The following PTPRS variants were observed in gnomAD, a reference collection of about 807,000 sequenced individuals.
The protein encoded by PTPRS is protein tyrosine phosphatase receptor type S.
In PTPRS, 63 loss-of-function variants were observed where a neutral mutation model predicts 215.3. That is an observed-to-expected ratio of 0.29 (90% CI 0.24 to 0.36). PTPRS has a LOEUF of 0.36. Ranked by LOEUF, PTPRS falls within the 10% of genes least tolerant of loss-of-function variation. PTPRS has a pLI of 1.00. For missense variants in PTPRS, 2,258 were observed against 2,825.8 expected (o/e 0.80, Z 4.56); for synonymous variants, 1,404 against 1,191.4 (o/e 1.18, Z -3.68).
chr19:5,218,552 A>C lies in PTPRS; in HGVS notation c.3936-20T>G. 6.2e-7 allele frequency: 1 copy of C among 1,610,682 alleles called. No individual in the cohort carries two copies. The highest frequency in any genetic ancestry group is 8.5e-7 in the Non-Finnish European group (1 of 1,176,856). On this transcript the variant is annotated intron_variant, in intron 24 of 37. Transcript: ENST00000262963. ...CGTTTACTTTAGGAGAAGCAAGCGG[A>C]ACAGTCCAGTTAGTAGTGGCACATG...
intron 11 of PTPRS, among the ~76,000 whole-genome samples, chr19:5,240,875 T>A (rs1405838552): frequency 2.9e-5 from 4 of 139,914 alleles, no homozygotes; most frequent in African/African-American, 8.0e-5. Context: ...ATAAAAAAAA[T>A]AAAAATCCCC....
chr19:5,272,634 A>G (rs886069368), intron 4 of PTPRS, among the ~76,000 whole-genome samples: 4 of 135,094 alleles, frequency 3.0e-5, no homozygotes, highest in Non-Finnish European at 3.2e-5. Context: ...AAAAAAAAAA[A>G]AAAGAATTGC....
chr19:5,269,826 C>G (rs909074271), intron 4 of PTPRS, among the ~76,000 whole-genome samples: 8 of 148,052 alleles, frequency 5.4e-5, no homozygotes, highest in Admixed American at 1.4e-4. Context: ...GAGGCTGAGC[C>G]AGGAGAATTG....
rs2040551662 is a variant in PTPRS, at chr19:5,208,296, G to A, written c.5583C>T (p.Gly1861=). 6.2e-7 allele frequency: 1 copy of A among 1,613,910 alleles called. No individual in the cohort carries two copies. The highest frequency in any genetic ancestry group is 8.5e-7 in the Non-Finnish European group (1 of 1,179,880). The change falls in exon 36 of 38, where the codon GGC becomes GGT. Residue 1861 remains glycine (G), a synonymous_variant. Coordinates refer to ENST00000262963, the MANE Select transcript of PTPRS (RefSeq NM_002850.4). ...ACTGCTCCTTAGTCTTATGCACTTG[G>A]CCAATGAAGTCGATGAAGCCCTCCC... ...KSGEGFIDFI[G]QVHKTKEQFG... is the part of the protein sequence containing the mutation.
chr19:5,235,125 G>T (rs978751398), intron 13 of PTPRS, among the ~76,000 whole-genome samples: 53 of 151,798 alleles, frequency 3.5e-4, no homozygotes, highest in African/African-American at 1.3e-3. Flanking sequence ...TATTTTTAGG[G>T]GAGACGGATT....
chr19:5,260,918 C>G, intron 6 of PTPRS, 96 bp from the exon 7 acceptor site: 3 of 1,422,962 alleles, frequency 2.1e-6, no homozygotes, highest in East Asian at 2.4e-5. Context: ...GTAAGCCAGG[C>G]CTCAGCACTC....
intron 33 of PTPRS, 151 bp downstream of exon 33, chr19:5,211,439 C>T (rs2040872709): frequency 1.4e-6 from 1 of 714,806 alleles, no homozygotes. Context: ...GGACAGCAGC[C>T]ATCAGTTAAA....
At position 5,295,099 on chromosome 19, in the gene PTPRS, AC is replaced by A. The variant is rs1183576903; in HGVS notation, c.-94-8866del. On this transcript the variant is annotated intron_variant, in intron 1 of 37. Coordinates refer to ENST00000262963, the MANE Select transcript of PTPRS (RefSeq NM_002850.4). This position sits in a 1 kb window ranked among gnomAD's most constrained non-coding sequence, Gnocchi z 4.6. ...ACCTTGCTTGTATCTGTGGCAAGGC[AC>A]GGGGCTCATACAGACTCGAGTTTGA... Among the ~76,000 whole-genome samples the A allele has an allele frequency of 1.3e-5, 2 of 152,160 alleles. No individual in the cohort carries two copies. Among genetic ancestry groups the A allele is most frequent in the Non-Finnish European group, 2.9e-5 (2 of 68,016 alleles).
In PTPRS at chr19:5,223,061, C is replaced by T. The variant is rs374643204; in HGVS notation, c.2731G>A (p.Gly911Ser). 289 of 1,552,160 alleles carry T rather than the reference C, an allele frequency of 1.9e-4. 2 individuals are homozygous for T. The East Asian group carries it at 6.3e-3, about 34-fold the overall frequency. ...TCGGCTGCCTCCTCGCCCAGGCCGC[C>T]GCGGCTCCGGGCCGCAAGCCGGAAC... ...YVFRLAARSR[G>S]GLGEEAAEVL... Residue 911 changes from glycine (G) to serine (S), a missense_variant, in exon 18 of 38, where the codon GGC (glycine) becomes AGC (serine). Gly to Ser is a moderately conservative substitution (Grantham distance 56, BLOSUM62 0). Around this residue, in one of 6 missense-constraint regions of PTPRS, gnomAD observed 361 missense variants for 332.6 expected, o/e 1.09. Transcript: ENST00000262963.
chr19:5,263,547 G>T (rs983554632), intron 5 of PTPRS, among the ~76,000 whole-genome samples: 3 of 152,202 alleles, frequency 2.0e-5, no homozygotes, highest in Non-Finnish European at 4.4e-5. Flanking sequence ...AGCAAAAAGA[G>T]GGGTGTGTGG....
At chr19:5,216,867 G>A in intron 25 of PTPRS, 100 bp from the exon 26 acceptor site, 2 of 744,070 alleles carry the variant, frequency 2.7e-6, no homozygotes, top group South Asian at 3.2e-5. Context: ...GATGCAAAGG[G>A]CAGAGCAACG....
intron 4 of PTPRS, among the ~76,000 whole-genome samples, chr19:5,265,954 C>G (rs118029228): frequency 0.011 from 1,700 of 152,176 alleles, 17 homozygotes; most frequent in Non-Finnish European, 0.018. Flanking sequence ...AATTTTTAAA[C>G]AGAGAGATAT....
At chr19:5,307,886 A>G (rs2049551337) in intron 1 of PTPRS, among the ~76,000 whole-genome samples, 1 of 152,158 alleles carries the variant, frequency 6.6e-6, no homozygotes, top group South Asian at 2.1e-4. Context: ...AGCCACGCCC[A>G]CCAGTTTACG....
At position 5,220,174 on chromosome 19, in the gene PTPRS, G is replaced by A; in HGVS notation, c.3550-20C>T. 6.2e-7 allele frequency: 1 copy of A among 1,609,714 alleles called. No homozygotes were observed. The highest frequency in any genetic ancestry group is 1.3e-5 in the African/African-American group (1 of 74,984). The stretch of plus-strand genomic sequence containing the variant: ...GATGAGCTGCGGGAACAGAGTCATG[G>A]GTGGCTCAGAGCTCAGCTGGGAGCA... On this transcript the variant is annotated intron_variant, in intron 21 of 37. Coordinates refer to ENST00000262963, the MANE Select transcript of PTPRS (RefSeq NM_002850.4).
chr19:5,319,134 G>A lies in PTPRS; in HGVS notation c.-95+21530C>T, dbSNP rs533237587. Reference sequence around the variant, plus strand: ...TACCTTCAAAAGCCATCCCAAGGCCGGGCGCAGTGGCTCACATCTGGGATC... The same window carrying A: ...TACCTTCAAAAGCCATCCCAAGGCCAGGCGCAGTGGCTCACATCTGGGATC... On this transcript the variant is annotated intron_variant, in intron 1 of 37. Transcript: ENST00000262963. 2.0e-4 allele frequency among the ~76,000 whole-genome samples: 30 copies of A among 152,260 alleles called. No individual in the cohort carries two copies. The South Asian group carries it at 2.1e-3, about 11-fold the overall frequency.
intron 1 of PTPRS, among the ~76,000 whole-genome samples, chr19:5,323,083 G>A (rs2050075544): frequency 6.6e-6 from 1 of 152,204 alleles, no homozygotes; most frequent in African/African-American, 2.4e-5. Flanking sequence ...GAGGCTGGGA[G>A]AGGTGGCTCA....
Position 5,243,978 on chromosome 19 carries a change from G to T in PTPRS, c.1493C>A (p.Thr498Asn). ...VGSLLEDETY[T>N]VRVLAFTSVG... ...GGAGGTGAAGGCGAGCACCCGCACG[G>T]TGTAGGTCTCGTCCTCCAGCAGGCT... The change falls in exon 11 of 38, where the codon ACC becomes AAC. Residue 498 changes from threonine (T) to asparagine (N), a missense_variant. Physicochemically the swap from Thr to Asn is moderately conservative, Grantham distance 65. Coordinates refer to ENST00000262963, the MANE Select transcript of PTPRS (RefSeq NM_002850.4). 2 of 1,602,632 alleles carry T rather than the reference G, an allele frequency of 1.2e-6. No homozygotes were observed. Among genetic ancestry groups the T allele is most frequent in the Middle Eastern group, 3.3e-4 (2 of 6,058 alleles).
intron 30 of PTPRS, among the ~76,000 whole-genome samples, chr19:5,213,912 TTAA>T (rs1410595701): frequency 6.6e-6 from 1 of 152,116 alleles, no homozygotes; most frequent in African/African-American, 2.4e-5. Flanking sequence ...CAGCCATCAG[TTAA>T]ATACATATCT....
chr19:5,231,068 G>A (rs775510369), intron 14 of PTPRS, among the ~76,000 whole-genome samples: 7 of 152,214 alleles, frequency 4.6e-5, no homozygotes, highest in African/African-American at 1.2e-4. Context: ...GGCAGCCAGC[G>A]AAACTGTCCA....
Sources: allele counts gnomAD v4.1 joint callset (sites outside exome capture counted in the v4.1 genomes callset), GRCh38; gene constraint gnomAD v4.1.1; regional missense constraint gnomAD v4.1.1; non-coding constraint Gnocchi (gnomAD v3.1); transcripts MANE v1.5; gene names NCBI Gene and HGNC (gene_info 2026-07-23, HGNC 2026-07-21).